The following RGS7 variants were observed in gnomAD, a reference collection of about 807,000 sequenced individuals.
RGS7 encodes the protein regulator of G protein signaling 7.
Under a neutral mutation model 81.1 loss-of-function variants are expected in RGS7, and 27 were observed. The observed-to-expected ratio is 0.33, with a 90% CI of 0.25 to 0.46. The LOEUF is 0.46. Ranked by LOEUF, RGS7 falls within the 20% of genes least tolerant of loss-of-function variation. The pLI, the probability that RGS7 is intolerant of heterozygous loss-of-function variation, is 1.00. For missense variants in RGS7, 396 were observed against 607.4 expected (o/e 0.65, Z 3.66); for synonymous variants, 208 against 207.7 (o/e 1.00, Z -0.01).
intron 9 of RGS7, among the ~76,000 whole-genome samples, chr1:240,854,466 A>G (rs1660711232): frequency 6.6e-6 from 1 of 152,146 alleles, no homozygotes; most frequent in Non-Finnish European, 1.5e-5. Flanking sequence ...TTTACTCAAT[A>G]ACACTCCAAT....
intron 3 of RGS7, among the ~76,000 whole-genome samples, chr1:241,091,491 T>C (rs150115302): frequency 0.014 from 2,184 of 150,922 alleles, 59 homozygotes; most frequent in African/African-American, 0.05. Flanking sequence ...GAGCTTGCAG[T>C]GAGCTGAGAT....
rs1042592477 is a variant in RGS7, at chr1:240,834,957, A to C, written c.610-7785T>G. 2.3e-5 allele frequency among the ~76,000 whole-genome samples: 3 copies of C among 132,808 alleles called. No individual in the cohort carries two copies. In the East Asian group the frequency reaches 6.3e-4, roughly 28 times the overall value. 87.1% of individuals were successfully genotyped at this position (132,808 alleles called of 152,430 possible). A position where few individuals can be genotyped will look rare whatever the true frequency, so the allele number is the denominator to read the frequency against. ...ACACACACACACACACACACACACA[A>C]ACTCAAAATGAATCATAAACCTAAA... On this transcript the variant is annotated intron_variant, in intron 9 of 18. Coordinates refer to ENST00000440928, the MANE Select transcript of RGS7 (RefSeq NM_001364886.1).
At chr1:240,879,276 T>C (rs1238692266) in intron 6 of RGS7, among the ~76,000 whole-genome samples, 1 of 152,354 alleles carries the variant, frequency 6.6e-6, no homozygotes, top group East Asian at 1.9e-4. Flanking sequence ...TAATACTTTT[T>C]ACCTTGGATT....
intron 3 of RGS7, among the ~76,000 whole-genome samples, chr1:241,008,093 C>T (rs375411594): frequency 6.6e-6 from 1 of 151,936 alleles, no homozygotes; most frequent in Admixed American, 6.6e-5. Context: ...TGCAAAGATC[C>T]GTCCCTACTT....
chr1:241,080,227 C>A (rs188955158), intron 3 of RGS7, among the ~76,000 whole-genome samples: 6 of 151,502 alleles, frequency 4.0e-5, no homozygotes, highest in Non-Finnish European at 7.4e-5. Context: ...AATTAATAAA[C>A]CTTTTATCTT....
intron 6 of RGS7, among the ~76,000 whole-genome samples, chr1:240,902,454 T>C (rs965349791): frequency 2.6e-5 from 4 of 152,204 alleles, no homozygotes; most frequent in African/African-American, 9.6e-5. Context: ...TCTTTGCACC[T>C]TTAACAGGGA....
intron 2 of RGS7, among the ~76,000 whole-genome samples, chr1:241,106,565 A>AC: frequency 6.6e-6 from 1 of 151,816 alleles, no homozygotes; most frequent in South Asian, 2.1e-4. Context: ...AATACAAAAA[A>AC]ATTAGTCATG....
intron 18 of RGS7, among the ~76,000 whole-genome samples, chr1:240,796,142 C>G (rs1200538209): frequency 6.6e-6 from 1 of 152,072 alleles, no homozygotes; most frequent in Non-Finnish European, 1.5e-5. Flanking sequence ...GGTTTCAAAC[C>G]TAAATAGAAA....
intron 18 of RGS7, among the ~76,000 whole-genome samples, chr1:240,793,613 T>A (rs200737563): frequency 0.038 from 3,299 of 87,600 alleles, 61 homozygotes; most frequent in East Asian, 0.1. Context: ...ATATATATAT[T>A]TTTTTTTTTT....
At chr1:241,328,410 T>C (rs2081748507) in intron 2 of RGS7, among the ~76,000 whole-genome samples, 1 of 152,234 alleles carries the variant, frequency 6.6e-6, no homozygotes, top group African/African-American at 2.4e-5. Flanking sequence ...TCAGCCACAG[T>C]ACAGCTGCTT....
chr1:241,307,087 G>A (rs1220503110), intron 2 of RGS7, among the ~76,000 whole-genome samples: 1 of 152,138 alleles, frequency 6.6e-6, no homozygotes, highest in East Asian at 1.9e-4. Flanking sequence ...TATTTCCCAT[G>A]GTTTAGATAT....
At chr1:241,118,984 G>C (rs903529548) in intron 2 of RGS7, among the ~76,000 whole-genome samples, 4 of 152,054 alleles carry the variant, frequency 2.6e-5, no homozygotes, top group Non-Finnish European at 5.9e-5. Context: ...ACTTTCATCA[G>C]TATGCAATAT....
chr1:241,187,883 A>C (rs1485198791), intron 2 of RGS7, among the ~76,000 whole-genome samples: 1 of 152,202 alleles, frequency 6.6e-6, no homozygotes, highest in Non-Finnish European at 1.5e-5. Context: ...TAAGCTAACA[A>C]AGATCTACTT....
chr1:240,961,777 A>G (rs1181794912), intron 4 of RGS7, among the ~76,000 whole-genome samples: 2 of 152,210 alleles, frequency 1.3e-5, no homozygotes, highest in African/African-American at 4.8e-5. Flanking sequence ...TTGCAAATTC[A>G]GAAGTTTTAT....
intron 4 of RGS7, among the ~76,000 whole-genome samples, chr1:240,963,995 G>C (rs1681889748): frequency 6.6e-6 from 1 of 152,184 alleles, no homozygotes; most frequent in Non-Finnish European, 1.5e-5. Flanking sequence ...CTAGGTTATA[G>C]AGTGAGACCC....
chr1:240,971,892 G>C (rs1683258082), intron 4 of RGS7, among the ~76,000 whole-genome samples: 1 of 152,168 alleles, frequency 6.6e-6, no homozygotes, highest in African/African-American at 2.4e-5. Flanking sequence ...TTATAGGTTT[G>C]TAAGGGTCTT....
At chr1:240,931,371 G>A (rs1675408149) in intron 5 of RGS7, among the ~76,000 whole-genome samples, 1 of 151,996 alleles carries the variant, frequency 6.6e-6, no homozygotes, top group Non-Finnish European at 1.5e-5. Context: ...ATTTAGTCGT[G>A]CAACAGGGTG....
At chr1:241,179,226 C>G (rs2071403496) in intron 2 of RGS7, among the ~76,000 whole-genome samples, 1 of 152,154 alleles carries the variant, frequency 6.6e-6, no homozygotes, top group Admixed American at 6.6e-5. Flanking sequence ...TTCCAAGTAA[C>G]TGGGATTACA....
chr1:241,145,735 C>A (rs532806258), intron 2 of RGS7, among the ~76,000 whole-genome samples: 7 of 152,264 alleles, frequency 4.6e-5, no homozygotes, highest in African/African-American at 1.7e-4. Flanking sequence ...CAGAGTGAGA[C>A]TCTGTCCAAA....
Sources: gnomAD v4.1 joint callset for allele counts (sites outside exome capture counted in the v4.1 genomes callset) on GRCh38, gnomAD v4.1.1 for gene constraint, MANE v1.5 for transcripts, NCBI Gene and HGNC (gene_info 2026-07-23, HGNC 2026-07-21) for gene names.